SRGAP3: variants seen among roughly 807,000 people sequenced by gnomAD.
SRGAP3 encodes the protein SLIT-ROBO Rho GTPase activating protein 3.
Under a neutral mutation model 121.1 loss-of-function variants are expected in SRGAP3, and 39 were observed. The observed-to-expected ratio is 0.32, with a 90% CI of 0.25 to 0.42. The LOEUF (loss-of-function observed/expected upper bound fraction) is 0.42. Among genes scored for constraint, SRGAP3 ranks in the 10% least tolerant of loss-of-function variants. SRGAP3 has a pLI of 1.00. For missense variants in SRGAP3, 1,213 were observed against 1,470.6 expected (o/e 0.82, Z 2.86); for synonymous variants, 601 against 570.0 (o/e 1.05, Z -0.77).
chr3:9,074,172 T>C (rs1382409515), intron 4 of SRGAP3, among the ~76,000 whole-genome samples: 1 of 152,148 alleles, frequency 6.6e-6, no homozygotes, highest in East Asian at 1.9e-4. Flanking sequence ...CAGCGAAACA[T>C]TCTTAGGGCT....
chr3:9,268,767 G>A (rs561406816), intron 3 of SRGAP3, among the ~76,000 whole-genome samples: 16 of 152,224 alleles, frequency 1.1e-4, no homozygotes, highest in South Asian at 4.1e-4. Flanking sequence ...CACACGACCC[G>A]TAAGAACCTC....
intron 3 of SRGAP3, among the ~76,000 whole-genome samples, chr3:9,275,501 A>G (rs1954554707): frequency 6.6e-6 from 1 of 152,048 alleles, no homozygotes. Context: ...CCCCACCCAA[A>G]TCTCACCTTG....
chr3:9,078,029 G>C (rs747767750), intron 4 of SRGAP3, among the ~76,000 whole-genome samples: 63 of 152,228 alleles, frequency 4.1e-4, no homozygotes, highest in Admixed American at 1.0e-3. Flanking sequence ...AGATACAAGA[G>C]ATTTTGGTAC....
At chr3:9,151,249 G>A (rs552581263) in intron 1 of SRGAP3, among the ~76,000 whole-genome samples, 1 of 152,306 alleles carries the variant, frequency 6.6e-6, no homozygotes, top group African/African-American at 2.4e-5. Context: ...TGAGGAGAAT[G>A]GGGGAAGAGC....
At chr3:9,150,815 A>C (rs1318830432) in intron 1 of SRGAP3, among the ~76,000 whole-genome samples, 2 of 152,236 alleles carry the variant, frequency 1.3e-5, no homozygotes, top group Admixed American at 1.3e-4. Context: ...TTATCCATTC[A>C]TTCATTCAGC....
chr3:9,058,144 G>A (rs767615991), intron 7 of SRGAP3, 107 bp downstream of exon 7: 41 of 1,226,998 alleles, frequency 3.3e-5, no homozygotes, highest in Non-Finnish European at 4.8e-5. Context: ...CTTGACCCCA[G>A]GCGTCGGATA....
chr3:9,052,562 T>C (rs2670001), intron 9 of SRGAP3, among the ~76,000 whole-genome samples: 70,697 of 152,114 alleles, frequency 0.46, 16,929 homozygotes, highest in East Asian at 0.67. Context: ...CCTGTCCAAA[T>C]GAAAGATAAT....
intron 2 of SRGAP3, among the ~76,000 whole-genome samples, chr3:9,111,158 AG>A (rs1948608632): frequency 6.6e-6 from 1 of 152,264 alleles, no homozygotes; most frequent in Non-Finnish European, 1.5e-5. Context: ...TTCATGGAGC[AG>A]ACAGTCTGGT....
At chr3:9,322,054 A>C (rs1000495865) in intron 3 of SRGAP3, among the ~76,000 whole-genome samples, 9 of 151,760 alleles carry the variant, frequency 5.9e-5, no homozygotes, top group African/African-American at 9.7e-5. Context: ...GAGAGGAAGC[A>C]CTGATCTTGG....
At chr3:8,998,361 C>T (rs1393408350) in intron 18 of SRGAP3, among the ~76,000 whole-genome samples, 1 of 152,178 alleles carries the variant, frequency 6.6e-6, no homozygotes, top group Non-Finnish European at 1.5e-5. Flanking sequence ...CAGGTCTGTA[C>T]TCAAATGTCA....
intron 1 of SRGAP3, among the ~76,000 whole-genome samples, chr3:9,203,123 T>C (rs1263363336): frequency 6.6e-6 from 1 of 152,230 alleles, no homozygotes; most frequent in Non-Finnish European, 1.5e-5. Flanking sequence ...ACTCCCAGTC[T>C]GTTTCTCGGG....
chr3:9,013,816 G>A lies in SRGAP3; in HGVS notation c.1840C>T (p.His614Tyr). ...IKLENPAERV[H>Y]QIQQILVTLP... ...GTGACGAGGATTTGTTGGATCTGGT[G>A]CACCCTCTCGGCTGGGTTCTCCAGT... Residue 614 changes from histidine (H) to tyrosine (Y), a missense_variant, in exon 16 of 22, where the codon CAC becomes TAC. Around this residue, in one of 2 missense-constraint regions of SRGAP3, gnomAD observed 793 missense variants for 1,032.9 expected, o/e 0.77. Coordinates refer to ENST00000383836, the MANE Select transcript of SRGAP3 (RefSeq NM_014850.4). The A allele has an allele frequency of 6.2e-7, 1 of 1,614,196 alleles. No individual in the cohort carries two copies. Among genetic ancestry groups the A allele is most frequent in the Non-Finnish European group, 8.5e-7 (1 of 1,180,030 alleles).
chr3:9,243,409 C>A (rs1011282274), intron 1 of SRGAP3, among the ~76,000 whole-genome samples: 2 of 151,802 alleles, frequency 1.3e-5, no homozygotes, highest in Non-Finnish European at 2.9e-5. Context: ...CCGAGGCAGG[C>A]GGATCACTTG....
chr3:9,088,824 C>T (rs1233931796), intron 3 of SRGAP3, among the ~76,000 whole-genome samples: 1 of 152,122 alleles, frequency 6.6e-6, no homozygotes, highest in Non-Finnish European at 1.5e-5. Context: ...CTAGAAGATC[C>T]AGCAATGCCG....
intron 1 of SRGAP3, among the ~76,000 whole-genome samples, chr3:9,342,018 T>C (rs1279457342): frequency 6.6e-6 from 1 of 152,176 alleles, no homozygotes; most frequent in Non-Finnish European, 1.5e-5. Context: ...CTAACAACAG[T>C]AACTTTTGCC....
At chr3:9,254,943 GAAAGAAAGAAAGAGA>G (rs1954097728) in intron 3 of SRGAP3, among the ~76,000 whole-genome samples, 2 of 146,238 alleles carry the variant, frequency 1.4e-5, no homozygotes, top group East Asian at 2.0e-4. Context: ...GAAAAAGAAA[GAAAGAAAGAAAGAGA>G]AAAGAAAGAA....
chr3:9,187,043 A>G (rs1145151), intron 1 of SRGAP3, among the ~76,000 whole-genome samples: 39,448 of 151,944 alleles, frequency 0.26, 5,339 homozygotes, highest in Admixed American at 0.34. Context: ...TACACGTGCC[A>G]TGATGCGTTG....
chr3:9,010,415 A>C (rs1173549207), intron 17 of SRGAP3, 28 bp from the exon 18 acceptor site: 1 of 1,613,474 alleles, frequency 6.2e-7, no homozygotes, highest in South Asian at 1.1e-5. Flanking sequence ...AATGGGACTC[A>C]CTGCGGGGGG....
At chr3:9,066,571 C>G (rs960936960) in intron 4 of SRGAP3, among the ~76,000 whole-genome samples, 1 of 152,168 alleles carries the variant, frequency 6.6e-6, no homozygotes, top group African/African-American at 2.4e-5. Context: ...ATGATCTTGG[C>G]TCACTGCAAC....
Sources: allele counts gnomAD v4.1 joint callset (sites outside exome capture counted in the v4.1 genomes callset), GRCh38; gene constraint gnomAD v4.1.1; regional missense constraint gnomAD v4.1.1; transcripts MANE v1.5; gene names NCBI Gene and HGNC (gene_info 2026-07-23, HGNC 2026-07-21).